Variants in CDK19 observed in about 807,000 individuals in gnomAD.
The protein encoded by CDK19 is cyclin dependent kinase 19, also known as cyclin-dependent kinase 19.
In CDK19, 20 loss-of-function variants were observed where a neutral mutation model predicts 68.3. The observed-to-expected ratio is 0.29, with a 90% CI of 0.21 to 0.43. CDK19 has a LOEUF of 0.43. Among genes scored for constraint, CDK19 ranks in the 20% least tolerant of loss-of-function variants. CDK19 has a pLI of 1.00. For missense variants in CDK19, 339 were observed against 623.5 expected (o/e 0.54, Z 4.86); for synonymous variants, 221 against 222.8 (o/e 0.99, Z 0.07).
intron 1 of CDK19, among the ~76,000 whole-genome samples, chr6:110,748,667 T>C (rs1778239142): frequency 6.6e-6 from 1 of 152,232 alleles, no homozygotes; most frequent in African/African-American, 2.4e-5. Context: ...TCTTTGGGCA[T>C]ATGCCAACAC....
chr6:110,715,841 A>T (rs1006833801), intron 2 of CDK19, among the ~76,000 whole-genome samples: 1 of 152,234 alleles, frequency 6.6e-6, no homozygotes, highest in Non-Finnish European at 1.5e-5. Flanking sequence ...ATCCTAAAAC[A>T]TCAAGCAGTT....
intron 2 of CDK19, among the ~76,000 whole-genome samples, chr6:110,674,783 T>C (rs938138960): frequency 6.6e-6 from 1 of 151,534 alleles, no homozygotes; most frequent in Non-Finnish European, 1.5e-5. Flanking sequence ...GTACCTGTAA[T>C]GCTAGCTACT....
intron 4 of CDK19, among the ~76,000 whole-genome samples, chr6:110,641,414 T>A (rs541157160): frequency 6.6e-6 from 1 of 151,772 alleles, no homozygotes; most frequent in South Asian, 2.1e-4. Context: ...CTGGTCAACA[T>A]GGTGAAACCC....
At chr6:110,717,994 T>C (rs1310061147) in intron 2 of CDK19, among the ~76,000 whole-genome samples, 1 of 152,114 alleles carries the variant, frequency 6.6e-6, no homozygotes, top group African/African-American at 2.4e-5. Flanking sequence ...AGTGCCTTTG[T>C]AAAGCAGGCC....
intron 2 of CDK19, among the ~76,000 whole-genome samples, chr6:110,727,307 C>T (rs904838066): frequency 2.0e-5 from 3 of 151,932 alleles, no homozygotes; most frequent in African/African-American, 7.3e-5. Context: ...CTTTTCCCTC[C>T]CTCCCACACT....
At chr6:110,806,329 A>G (rs1782680817) in intron 1 of CDK19, among the ~76,000 whole-genome samples, 1 of 141,862 alleles carries the variant, frequency 7.0e-6, no homozygotes, top group African/African-American at 2.5e-5. Flanking sequence ...AAGAAGAGCG[A>G]AACTCCATCT....
At chr6:110,622,337 T>A (rs754264190) in intron 10 of CDK19, among the ~76,000 whole-genome samples, 171 bp from the exon 11 acceptor site, 18 of 152,242 alleles carry the variant, frequency 1.2e-4, no homozygotes, top group Non-Finnish European at 2.2e-4. Context: ...GACACAGAAG[T>A]TTCTCTATAC....
In CDK19 at chr6:110,675,932, A is replaced by G. The variant is rs868243012; in HGVS notation, c.205-5391T>C. Among the ~76,000 whole-genome samples, 6 of 152,242 alleles carry G rather than the reference A, an allele frequency of 3.9e-5. No homozygotes were observed. The South Asian group carries it at 1.0e-3, about 26-fold the overall frequency. On this transcript the variant is annotated intron_variant, in intron 2 of 12. Coordinates refer to ENST00000368911, the MANE Select transcript of CDK19 (RefSeq NM_015076.5). ...GAATCAAGAAGTCATTTTGACTTCC[A>G]AGTCTTATTCTTTAACAAATACATT...
chr6:110,703,310 G>A (rs892059925), intron 2 of CDK19, among the ~76,000 whole-genome samples: 3 of 152,096 alleles, frequency 2.0e-5, no homozygotes, highest in Non-Finnish European at 4.4e-5. Flanking sequence ...TATTATGTTA[G>A]CAGTACTTTG....
intron 2 of CDK19, among the ~76,000 whole-genome samples, chr6:110,736,928 A>AT (rs1281852708): frequency 7.9e-5 from 12 of 152,240 alleles, no homozygotes; most frequent in Admixed American, 7.9e-4. Flanking sequence ...TTAATGGCCA[A>AT]TTAAATCTAA....
At chr6:110,640,868 G>T (rs1426199721) in intron 4 of CDK19, among the ~76,000 whole-genome samples, 1 of 151,976 alleles carries the variant, frequency 6.6e-6, no homozygotes, top group Admixed American at 6.6e-5. Context: ...GAGGTGAGAG[G>T]ACTGCTTGAG....
intron 1 of CDK19, among the ~76,000 whole-genome samples, chr6:110,797,822 T>C (rs1015340662): frequency 3.3e-5 from 5 of 151,758 alleles, no homozygotes; most frequent in Non-Finnish European, 7.4e-5. Context: ...CCATCTCTAC[T>C]AAAAACACAA....
intron 1 of CDK19, among the ~76,000 whole-genome samples, chr6:110,753,624 G>A (rs1778632693): frequency 6.6e-6 from 1 of 151,012 alleles, no homozygotes; most frequent in Non-Finnish European, 1.5e-5. Flanking sequence ...AGGCTCAAGA[G>A]ATCCTCCTGC....
chr6:110,639,636 G>A (rs1200127290), intron 4 of CDK19, among the ~76,000 whole-genome samples: 2 of 152,182 alleles, frequency 1.3e-5, no homozygotes, highest in Non-Finnish European at 2.9e-5. Flanking sequence ...CTGAGGTTTT[G>A]TGTTCAAGAT....
chr6:110,674,359 C>T (rs1372189891), intron 2 of CDK19, among the ~76,000 whole-genome samples: 2 of 152,136 alleles, frequency 1.3e-5, no homozygotes, highest in African/African-American at 4.8e-5. Context: ...TCACATATCT[C>T]TTGCTTTAAA....
chr6:110,644,115 A>G (rs775176643), intron 4 of CDK19, among the ~76,000 whole-genome samples: 1 of 152,006 alleles, frequency 6.6e-6, no homozygotes, highest in Non-Finnish European at 1.5e-5. Flanking sequence ...AACATGGTGA[A>G]ACCCTGTCTC....
At chr6:110,814,897 C>CT in intron 1 of CDK19, 112 bp downstream of exon 1, 1 of 1,446,338 alleles carries the variant, frequency 6.9e-7, no homozygotes, top group Non-Finnish European at 9.5e-7. Context: ...CCGCGACCCC[C>CT]TCCGCCTCGC....
chr6:110,674,901 C>CAAA (rs113776673), intron 2 of CDK19, among the ~76,000 whole-genome samples: 10 of 92,234 alleles, frequency 1.1e-4, no homozygotes, highest in Middle Eastern at 5.8e-3. Context: ...GACTCTGTCT[C>CAAA]AAAAAAAAAA....
intron 11 of CDK19, 55 bp downstream of exon 11, chr6:110,622,033 T>G: frequency 9.9e-7 from 1 of 1,006,256 alleles, no homozygotes; most frequent in Non-Finnish European, 1.5e-6. Context: ...ATACCTAAAC[T>G]ATCTTTTTGC....
Sources: gnomAD v4.1 joint callset for allele counts (sites outside exome capture counted in the v4.1 genomes callset) on GRCh38, gnomAD v4.1.1 for gene constraint, MANE v1.5 for transcripts, NCBI Gene and HGNC (gene_info 2026-07-23, HGNC 2026-07-21) for gene names.